The following PLAA variants were observed in gnomAD, a reference collection of about 807,000 sequenced individuals.
PLAA encodes the protein phospholipase A-2-activating protein.
PLAA carries 48 observed loss-of-function variants against 84.1 expected under a neutral mutation model. The ratio of observed to expected loss-of-function variants is 0.57; its 90% CI spans 0.45 to 0.73. The LOEUF is 0.73. PLAA is among the 30% of genes least tolerant of loss of function. The pLI, the probability that PLAA is intolerant of heterozygous loss-of-function variation, is 0.00. For synonymous variants in PLAA, 392 were observed against 336.6 expected, an observed-to-expected ratio of 1.16 and a Z score of -1.80; for missense variants, 903 against 954.7, an observed-to-expected ratio of 0.95 and a Z score of 0.71.
intron 2 of PLAA, among the ~76,000 whole-genome samples, chr9:26,932,304 AAC>A (rs1237355120): frequency 1.3e-5 from 2 of 152,236 alleles, no homozygotes; most frequent in Non-Finnish European, 2.9e-5. Context: ...TAGAAGGGTC[AAC>A]AAACTAATGC....
chr9:26,925,958 A>G lies in PLAA; in HGVS notation c.736T>C (p.Phe246Leu). ...GATCTGTCCTCTGCTGTTGTCACAA[A>G]GTCTAAAATTAATGAATATAGGAAG... ...SISVFPNCRDFVTTAEDRSLR... is the reference protein window; with the variant it reads ...SISVFPNCRDLVTTAEDRSLR... The change falls in exon 6 of 14, where the codon TTT becomes CTT. Residue 246 changes from phenylalanine (F) to leucine (L), a missense_variant and splice_region_variant. Coordinates refer to ENST00000397292, the MANE Select transcript of PLAA (RefSeq NM_001031689.3). 1 of 1,611,918 alleles carries G rather than the reference A, an allele frequency of 6.2e-7. No homozygotes were observed. The highest frequency in any genetic ancestry group is 1.1e-5 in the South Asian group (1 of 91,026).
At chr9:26,934,748 G>T (rs567297964) in intron 2 of PLAA, among the ~76,000 whole-genome samples, 1 of 151,762 alleles carries the variant, frequency 6.6e-6, no homozygotes, top group Non-Finnish European at 1.5e-5. Context: ...CAAAGTGCTG[G>T]GATTACAGGT....
At chr9:26,922,428 T>C (rs1489595322) in intron 7 of PLAA, among the ~76,000 whole-genome samples, 1 of 152,256 alleles carries the variant, frequency 6.6e-6, no homozygotes, top group East Asian at 1.9e-4. Flanking sequence ...CAAACATTAA[T>C]ACAATGTACA....
At position 26,946,888 on chromosome 9, in the gene PLAA, A is replaced by C; in HGVS notation, c.149+9T>G. 6.4e-7 allele frequency: 1 copy of C among 1,571,520 alleles called. No homozygotes were observed. The highest frequency in any genetic ancestry group is 1.2e-5 in the South Asian group (1 of 85,248). On this transcript the variant is annotated intron_variant, in intron 1 of 13. Transcript: ENST00000397292. ...ACACAGCCGGGGCAACCCGACTCCC[A>C]GCGCTCACCTGTCTGGGGCCCAGAG...
rs1395185542 is a variant in PLAA, at chr9:26,912,970, C to A, written c.1555+909G>T. On this transcript the variant is annotated intron_variant, in intron 11 of 13. Transcript: ENST00000397292. Reference sequence around the variant, plus strand: ...GGACATGGTAGTGTGCGCATGTAAACCCAACTACTCAGGAGGCTGAGGTGG... The same window carrying A: ...GGACATGGTAGTGTGCGCATGTAAAACCAACTACTCAGGAGGCTGAGGTGG... Among the ~76,000 whole-genome samples, 3 of 152,134 alleles carry A rather than the reference C, an allele frequency of 2.0e-5. No homozygotes were observed. The East Asian group carries it at 5.8e-4, about 29-fold the overall frequency.
chr9:26,913,651 T>C (rs1824461001), intron 11 of PLAA, among the ~76,000 whole-genome samples: 1 of 152,126 alleles, frequency 6.6e-6, no homozygotes, highest in Non-Finnish European at 1.5e-5. Context: ...CAAGTAAGCA[T>C]CTCTGGGGAT....
Position 26,928,463 on chromosome 9 carries a change from T to G in PLAA, c.344-55A>C, listed in dbSNP as rs376761610. 1.3e-4 allele frequency: 153 copies of G among 1,218,366 alleles called. No homozygotes were observed. In the South Asian group the frequency reaches 1.8e-3, roughly 14 times the overall value. 75.5% of individuals were successfully genotyped at this position (1,218,366 alleles called of 1,614,324 possible). A position where few individuals can be genotyped will look rare whatever the true frequency, so the allele number is the denominator to read the frequency against. On this transcript the variant is annotated intron_variant, in intron 2 of 13. Coordinates refer to ENST00000397292, the MANE Select transcript of PLAA (RefSeq NM_001031689.3). ...TTTTCATACAGAAAAATGCTCAACATTGAAAGTTACTAAAGCATTCCAATT... is the reference window on the plus strand; with the variant it reads ...TTTTCATACAGAAAAATGCTCAACAGTGAAAGTTACTAAAGCATTCCAATT...
chr9:26,916,383 A>G (rs755035635), intron 10 of PLAA: 4 of 986,888 alleles, frequency 4.1e-6, no homozygotes, highest in Admixed American at 6.2e-5. Context: ...CAGCTGCCTT[A>G]AAGTCCAACT....
At chr9:26,926,252 A>AAATAAATT (rs1324868404) in intron 5 of PLAA, 141 bp downstream of exon 5, 2 of 618,548 alleles carry the variant, frequency 3.2e-6, no homozygotes, top group East Asian at 5.5e-5. Context: ...CAGGAGAAAG[A>AAATAAATT]TACTTAATGA....
chr9:26,909,581 G>T (rs959904187), intron 12 of PLAA, among the ~76,000 whole-genome samples: 2 of 149,580 alleles, frequency 1.3e-5, no homozygotes, highest in Non-Finnish European at 3.0e-5. Context: ...AACACAAACA[G>T]AAAAAGCAAT....
chr9:26,925,991 T>C (rs1385469217), intron 5 of PLAA, 31 bp from the exon 6 acceptor site: 2 of 1,573,680 alleles, frequency 1.3e-6, no homozygotes, highest in South Asian at 2.2e-5. Context: ...AAGTATTAGT[T>C]TGAATAAAAT....
intron 9 of PLAA, 68 bp downstream of exon 9, chr9:26,919,242 T>G: frequency 1.0e-6 from 1 of 967,112 alleles, no homozygotes; most frequent in Non-Finnish European, 1.6e-6. Context: ...CATGACTATT[T>G]GAAAACATCA....
rs1255165207 is a variant in PLAA, at chr9:26,905,968, A to G, written c.1931T>C (p.Ile644Thr). 4 of 1,614,062 alleles carry G rather than the reference A, an allele frequency of 2.5e-6. No individual in the cohort carries two copies. Among genetic ancestry groups the G allele is most frequent in the African/African-American group, 2.7e-5 (2 of 74,938 alleles). Residue 644 changes from isoleucine (I) to threonine (T), a missense_variant, in exon 14 of 14, where the codon ATC (isoleucine) becomes ACC (threonine). Physicochemically the swap from Ile to Thr is moderately conservative, Grantham distance 89. Coordinates refer to ENST00000397292, the MANE Select transcript of PLAA (RefSeq NM_001031689.3). ...KEGAQFSSHL[I>T]NLLNPKGKPA... is the part of the protein sequence containing the mutation. ...CTTTCCTTTAGGGTTCAGAAGATTG[A>G]TAAGATGACTGCTGAACTGAGCCCC... is the stretch of plus-strand genomic sequence containing the variant.
intron 1 of PLAA, among the ~76,000 whole-genome samples, chr9:26,946,445 G>A (rs1283356446): frequency 6.7e-6 from 1 of 150,136 alleles, no homozygotes; most frequent in Admixed American, 6.7e-5. Flanking sequence ...GGATTCACCA[G>A]TGCAATTTTT....
At chr9:26,942,375 T>C (rs1270942326) in intron 1 of PLAA, among the ~76,000 whole-genome samples, 1 of 152,182 alleles carries the variant, frequency 6.6e-6, no homozygotes, top group Non-Finnish European at 1.5e-5. Flanking sequence ...AAAGTTTGCA[T>C]TGTCAGGAGA....
In PLAA at chr9:26,904,320, A is replaced by C. The variant is rs1824165520; in HGVS notation, c.*1191T>G. 1 of 152,178 alleles carries C rather than the reference A, an allele frequency of 6.6e-6. No homozygotes were observed. Among genetic ancestry groups the C allele is most frequent in the Non-Finnish European group, 1.5e-5 (1 of 68,012 alleles). 9.4% of individuals were successfully genotyped at this position (152,178 alleles called of 1,614,324 possible). A position where few individuals can be genotyped will look rare whatever the true frequency, so the allele number is the denominator to read the frequency against. ...TTTCTGGCAACGTCTTTATGAAAAG[A>C]TCTTTCCCACTTTTGAAAATAGTTA... is the stretch of plus-strand genomic sequence containing the variant. On this transcript the variant is annotated 3_prime_UTR_variant, in exon 14 of 14. Transcript: ENST00000397292.
intron 1 of PLAA, among the ~76,000 whole-genome samples, chr9:26,940,162 C>T (rs1172226773): frequency 2.0e-5 from 3 of 152,104 alleles, no homozygotes; most frequent in African/African-American, 4.8e-5. Flanking sequence ...TGGATATATT[C>T]CCAATGGAAA....
chr9:26,937,335 G>A (rs976604111), intron 1 of PLAA, among the ~76,000 whole-genome samples: 4 of 152,072 alleles, frequency 2.6e-5, no homozygotes, highest in Non-Finnish European at 5.9e-5. Context: ...ATCTTAGCCC[G>A]ATATTTGAAA....
chr9:26,923,952 A>C (rs1392778447), intron 6 of PLAA, among the ~76,000 whole-genome samples: 1 of 152,178 alleles, frequency 6.6e-6, no homozygotes, highest in African/African-American at 2.4e-5. Context: ...GGCCCATTCT[A>C]CAGGAAACCT....
Sources: gnomAD v4.1 joint callset for allele counts (sites outside exome capture counted in the v4.1 genomes callset) on GRCh38, gnomAD v4.1.1 for gene constraint, MANE v1.5 for transcripts, NCBI Gene and HGNC (gene_info 2026-07-23, HGNC 2026-07-21) for gene names.